CFAP61: variants seen among roughly 807,000 people sequenced by gnomAD.
CFAP61 encodes cilia- and flagella-associated protein 61.
In CFAP61, 107 loss-of-function variants were observed where a neutral mutation model predicts 135.6. The observed-to-expected ratio is 0.79, with a 90% CI of 0.67 to 0.93. The LOEUF is 0.93. Among genes scored for constraint, CFAP61 ranks in the 40% least tolerant of loss-of-function variants. The pLI is 0.00. For synonymous variants in CFAP61, 575 were observed against 578.5 expected, an observed-to-expected ratio of 0.99 and a Z score of 0.09; for missense variants, 1,507 against 1,556.2, an observed-to-expected ratio of 0.97 and a Z score of 0.53.
At chr20:20,171,777 G>A (rs759673365) in intron 13 of CFAP61, 45 of 706,164 alleles carry the variant, frequency 6.4e-5, no homozygotes, top group Non-Finnish European at 1.1e-4. Flanking sequence ...TTTAATGAAT[G>A]TAGAAACATT....
intron 11 of CFAP61, 32 bp from the exon 12 acceptor site, chr20:20,166,365 G>C: frequency 6.2e-7 from 1 of 1,601,736 alleles, no homozygotes; most frequent in Non-Finnish European, 8.6e-7. Context: ...TTGCTTGCAG[G>C]GCACTGACAG....
At chr20:20,121,650 G>C (rs953439852) in intron 8 of CFAP61, among the ~76,000 whole-genome samples, 1 of 152,016 alleles carries the variant, frequency 6.6e-6, no homozygotes, top group African/African-American at 2.4e-5. Context: ...ACATGCCCCT[G>C]TGCCCAGCTA....
intron 13 of CFAP61, among the ~76,000 whole-genome samples, chr20:20,187,072 T>C (rs4814957): frequency 0.24 from 36,810 of 151,898 alleles, 4,562 homozygotes; most frequent in Middle Eastern, 0.34. Context: ...GGGTAGGAGG[T>C]CCACACTGAG....
Position 20,327,777 on chromosome 20 carries a change from C to CAAAAAAAAAAAAAAAA in CFAP61, c.3423-14041_3423-14026dup, listed in dbSNP as rs60171844. ...CCTGGGCAACAGAGCAAGAGCCTGT[C>CAAAAAAAAAAAAAAAA]AAAAAAAAAAAAAAAAAAAAAAAAA... On this transcript the variant is annotated intron_variant, in intron 25 of 26. Coordinates refer to ENST00000245957, the MANE Select transcript of CFAP61 (RefSeq NM_015585.4). 1.2e-3 allele frequency among the ~76,000 whole-genome samples: 74 copies of CAAAAAAAAAAAAAAAA among 60,346 alleles called. 3 individuals carry two copies. Among genetic ancestry groups the CAAAAAAAAAAAAAAAA allele is most frequent in the African/African-American group, 4.3e-3 (68 of 15,784 alleles). 39.6% of individuals were successfully genotyped at this position (60,346 alleles called of 152,430 possible).
intron 21 of CFAP61, among the ~76,000 whole-genome samples, chr20:20,269,050 G>A (rs184054306): frequency 8.1e-5 from 12 of 148,938 alleles, no homozygotes; most frequent in Admixed American, 6.8e-5. Flanking sequence ...GTCACGTTTT[G>A]GGCATAGAAA....
intron 2 of CFAP61, among the ~76,000 whole-genome samples, chr20:20,059,180 T>C (rs935533920): frequency 6.6e-6 from 1 of 151,284 alleles, no homozygotes; most frequent in African/African-American, 2.4e-5. Context: ...ATACAAAAAT[T>C]GACTGAATGT....
intron 18 of CFAP61, among the ~76,000 whole-genome samples, chr20:20,234,023 C>T (rs2049376724): frequency 6.6e-6 from 1 of 152,168 alleles, no homozygotes; most frequent in Non-Finnish European, 1.5e-5. Context: ...CAGTCTTCAT[C>T]ATTTGTTATT....
rs71198052 is a variant in CFAP61, at chr20:20,348,689, C to CAAAAAAAA, written c.3513+6783_3513+6790dup. Among the ~76,000 whole-genome samples, 81 of 52,504 alleles carry CAAAAAAAA rather than the reference C, an allele frequency of 1.5e-3. 1 individual carries two copies. The highest frequency in any genetic ancestry group is 4.2e-3 in the East Asian group (5 of 1,182). The allele number at this position is 52,504 out of a possible 152,430, so 34.4% of individuals were successfully genotyped here. ...TGGGCAATAGAGCAAGACTCCGTATCAAAAAAAAAAAAAAAAAAAAAAGAA... is the reference window on the plus strand; with the variant it reads ...TGGGCAATAGAGCAAGACTCCGTATCAAAAAAAAAAAAAAAAAAAAAAAAAAAAAAGAA... On this transcript the variant is annotated intron_variant, in intron 26 of 26. Coordinates refer to ENST00000245957, the MANE Select transcript of CFAP61 (RefSeq NM_015585.4).
chr20:20,244,232 C>A (rs565093816), intron 18 of CFAP61, among the ~76,000 whole-genome samples: 1 of 152,144 alleles, frequency 6.6e-6, no homozygotes, highest in African/African-American at 2.4e-5. Context: ...ACTAGAAGTG[C>A]CCCAGTAGGG....
chr20:20,323,438 C>A, intron 25 of CFAP61: 2 of 346,788 alleles, frequency 5.8e-6, no homozygotes, highest in Non-Finnish European at 8.1e-6. Flanking sequence ...ATTCTCTTCC[C>A]AAGAGTTAAC....
intron 14 of CFAP61, 90 bp downstream of exon 14, chr20:20,188,146 TG>T: frequency 7.2e-7 from 1 of 1,394,542 alleles, no homozygotes; most frequent in Non-Finnish European, 1.0e-6. Context: ...GGATCTGAGT[TG>T]GAAAATCATA....
At chr20:20,071,542 G>T (rs1367993720) in intron 3 of CFAP61, among the ~76,000 whole-genome samples, 1 of 152,192 alleles carries the variant, frequency 6.6e-6, no homozygotes, top group Non-Finnish European at 1.5e-5. Flanking sequence ...CTGATGCCAA[G>T]TCTGAGCTTT....
intron 19 of CFAP61, among the ~76,000 whole-genome samples, chr20:20,248,877 G>A (rs186581885): frequency 1.5e-3 from 224 of 152,200 alleles, no homozygotes; most frequent in Middle Eastern, 6.8e-3. Flanking sequence ...GAATTTCCCC[G>A]TCCTCCATTT....
intron 9 of CFAP61, among the ~76,000 whole-genome samples, chr20:20,153,223 G>A (rs1385412710): frequency 6.6e-6 from 1 of 152,122 alleles, no homozygotes; most frequent in Admixed American, 6.5e-5. Flanking sequence ...AGCAAAAGTG[G>A]TGCTAAGAGG....
At chr20:20,314,032 A>C (rs1211411065) in intron 25 of CFAP61, among the ~76,000 whole-genome samples, 1 of 152,076 alleles carries the variant, frequency 6.6e-6, no homozygotes, top group Non-Finnish European at 1.5e-5. Context: ...ATCTGCCCCC[A>C]CTACCCAAAT....
chr20:20,059,199 G>T (rs1010935572), intron 2 of CFAP61, among the ~76,000 whole-genome samples: 1 of 151,490 alleles, frequency 6.6e-6, no homozygotes, highest in Admixed American at 6.6e-5. Context: ...GTGGTAGCGC[G>T]CACTCTGTAG....
chr20:20,106,003 T>C (rs1197648575), intron 8 of CFAP61, among the ~76,000 whole-genome samples: 6 of 14,458 alleles, frequency 4.1e-4, no homozygotes, highest in South Asian at 4.2e-3. Flanking sequence ...CTCTTGCCTA[T>C]ATATATATAT....
chr20:20,299,377 G>A (rs759432505), intron 25 of CFAP61, among the ~76,000 whole-genome samples: 1 of 152,178 alleles, frequency 6.6e-6, no homozygotes, highest in South Asian at 2.1e-4. Flanking sequence ...ATAAAGCAAG[G>A]ATCAGTGAAC....
intron 22 of CFAP61, among the ~76,000 whole-genome samples, chr20:20,287,054 A>G (rs1031363389): frequency 5.7e-4 from 87 of 152,324 alleles, no homozygotes; most frequent in African/African-American, 2.0e-3. Context: ...CTGGGTAGGA[A>G]ATCTATTTTT....
Sources: gnomAD v4.1 joint callset for allele counts (sites outside exome capture counted in the v4.1 genomes callset) on GRCh38, gnomAD v4.1.1 for gene constraint, MANE v1.5 for transcripts, NCBI Gene and HGNC (gene_info 2026-07-23, HGNC 2026-07-21) for gene names.